Variants in RABGAP1L observed in about 807,000 individuals in gnomAD.
RABGAP1L encodes the protein RAB GTPase activating protein 1 like.
Under a neutral mutation model 137.7 loss-of-function variants are expected in RABGAP1L, and 63 were observed. That is an observed-to-expected ratio of 0.46 (90% CI 0.37 to 0.56). RABGAP1L has a LOEUF of 0.56. RABGAP1L is among the 20% of genes least tolerant of loss of function. The pLI is 0.00. For missense variants in RABGAP1L, 1,095 were observed against 1,244.0 expected (o/e 0.88, Z 1.80); for synonymous variants, 431 against 433.7 (o/e 0.99, Z 0.08).
At chr1:174,583,843 T>C (rs1668920622) in intron 13 of RABGAP1L, among the ~76,000 whole-genome samples, 1 of 152,220 alleles carries the variant, frequency 6.6e-6, no homozygotes, top group African/African-American at 2.4e-5. Context: ...CTATGATTGG[T>C]ATAGATAATA....
chr1:174,355,266 T>G (rs1420001117), intron 11 of RABGAP1L, among the ~76,000 whole-genome samples: 1 of 151,970 alleles, frequency 6.6e-6, no homozygotes, highest in African/African-American at 2.4e-5. Context: ...ATATACACCA[T>G]GGAATACTAT....
chr1:174,796,152 G>A (rs1483269664), intron 18 of RABGAP1L, among the ~76,000 whole-genome samples: 1 of 152,002 alleles, frequency 6.6e-6, no homozygotes, highest in African/African-American at 2.4e-5. Flanking sequence ...CCATTTTATG[G>A]ACTACTTTAT....
chr1:174,468,721 C>G (rs559754626), intron 13 of RABGAP1L, among the ~76,000 whole-genome samples: 1 of 152,184 alleles, frequency 6.6e-6, no homozygotes, highest in South Asian at 2.1e-4. Flanking sequence ...CTCTTTCTCT[C>G]TCTCTCTCTC....
rs866062443 is a variant in RABGAP1L at position 174,519,813 on chromosome 1, T to C, written c.1711-117562T>C. 2.0e-5 allele frequency among the ~76,000 whole-genome samples: 3 copies of C among 152,334 alleles called. No homozygotes were observed. The Middle Eastern group carries it at 0.01, about 518-fold the overall frequency. On this transcript the variant is annotated intron_variant, in intron 13 of 25. Coordinates refer to ENST00000681986, the MANE Select transcript of RABGAP1L (RefSeq NM_001366446.1). ...TAATTATCAGTGATGTAAAAATCAC[T>C]GGCCTTTAACAACAGTTTGATTTCA...
At chr1:174,282,737 A>G (rs1398310367) in intron 10 of RABGAP1L, among the ~76,000 whole-genome samples, 3 of 152,144 alleles carry the variant, frequency 2.0e-5, no homozygotes, top group Non-Finnish European at 2.9e-5. Context: ...TAAAGACTTT[A>G]TAGTTTCAGG....
At chr1:174,442,902 C>T (rs1040358746) in intron 13 of RABGAP1L, among the ~76,000 whole-genome samples, 15 of 152,188 alleles carry the variant, frequency 9.9e-5, no homozygotes, top group African/African-American at 3.4e-4. Context: ...CTGGCAACTG[C>T]CATTTTACTC....
intron 14 of RABGAP1L, among the ~76,000 whole-genome samples, chr1:174,654,890 GT>G (rs1675849205): frequency 6.6e-6 from 1 of 152,042 alleles, no homozygotes; most frequent in Non-Finnish European, 1.5e-5. Context: ...TAGAGCTTAT[GT>G]TGATACTCTC....
chr1:174,396,727 T>C (rs1432107670), intron 13 of RABGAP1L, among the ~76,000 whole-genome samples: 1 of 152,142 alleles, frequency 6.6e-6, no homozygotes, highest in African/African-American at 2.4e-5. Flanking sequence ...TACCATCCCC[T>C]GATATTATTT....
intron 10 of RABGAP1L, among the ~76,000 whole-genome samples, chr1:174,301,213 G>A (rs1157477188): frequency 6.6e-6 from 1 of 151,876 alleles, no homozygotes; most frequent in Admixed American, 6.5e-5. Context: ...GCTGGACTAG[G>A]CATGTCTCAA....
chr1:174,271,066 TAGG>T (rs965578030), intron 7 of RABGAP1L, among the ~76,000 whole-genome samples: 4 of 152,144 alleles, frequency 2.6e-5, no homozygotes, highest in East Asian at 1.9e-4. Context: ...CAAGAATTCA[TAGG>T]AGAGAGATCA....
chr1:174,453,894 CTA>C (rs1655727878), intron 13 of RABGAP1L, among the ~76,000 whole-genome samples: 1 of 151,912 alleles, frequency 6.6e-6, no homozygotes, highest in Admixed American at 6.6e-5. Flanking sequence ...TTCTTCATGA[CTA>C]TTTTGTTTTA....
At chr1:174,677,151 A>C (rs111967221) in intron 14 of RABGAP1L, among the ~76,000 whole-genome samples, 1 of 145,262 alleles carries the variant, frequency 6.9e-6, no homozygotes, top group African/African-American at 2.6e-5. Context: ...GTGAGACCCC[A>C]TCTCTACCAA....
At chr1:174,502,569 G>T in intron 13 of RABGAP1L, among the ~76,000 whole-genome samples, 1 of 95,208 alleles carries the variant, frequency 1.1e-5, no homozygotes, top group African/African-American at 4.7e-5. Context: ...GCAGAAGAAA[G>T]TACACGGTAT....
chr1:174,888,534 C>T lies in RABGAP1L; in HGVS notation c.2341-68923C>T, dbSNP rs548186499. ...GAATCTCTCATTAACCTATAACTTC[C>T]CTATGTCAGCTTTTTTTATTTTGGA... On this transcript the variant is annotated intron_variant, in intron 19 of 25. Coordinates refer to ENST00000681986, the MANE Select transcript of RABGAP1L (RefSeq NM_001366446.1). Among the ~76,000 whole-genome samples, 17 of 152,158 alleles carry T rather than the reference C, an allele frequency of 1.1e-4. No individual in the cohort carries two copies. The South Asian group carries it at 1.5e-3, about 13-fold the overall frequency.
intron 19 of RABGAP1L, among the ~76,000 whole-genome samples, chr1:174,919,658 A>G (rs1661481262): frequency 6.6e-6 from 1 of 152,196 alleles, no homozygotes; most frequent in Non-Finnish European, 1.5e-5. Flanking sequence ...ATTCAAGACC[A>G]GCCTGAGAAA....
intron 17 of RABGAP1L, among the ~76,000 whole-genome samples, chr1:174,733,463 A>G (rs1479841611): frequency 6.6e-6 from 1 of 152,146 alleles, no homozygotes; most frequent in East Asian, 1.9e-4. Flanking sequence ...ACCAATTTGT[A>G]TTTATTTCTC....
chr1:174,193,940 A>G (rs1046151874), intron 1 of RABGAP1L, among the ~76,000 whole-genome samples: 2 of 152,212 alleles, frequency 1.3e-5, no homozygotes, highest in Non-Finnish European at 2.9e-5. Flanking sequence ...AACTCATTTT[A>G]TGTTAACAAC....
chr1:174,913,563 A>T (rs1470308330), intron 19 of RABGAP1L, among the ~76,000 whole-genome samples: 5 of 152,170 alleles, frequency 3.3e-5, no homozygotes, highest in Admixed American at 3.3e-4. Context: ...CCAAGGCTTG[A>T]CCCTGTAACT....
chr1:174,354,107 C>A (rs1452085642), intron 11 of RABGAP1L, among the ~76,000 whole-genome samples: 1 of 152,120 alleles, frequency 6.6e-6, no homozygotes, highest in Non-Finnish European at 1.5e-5. Flanking sequence ...TGGTTGAAGA[C>A]AGTGATCTGC....
Sources: allele counts gnomAD v4.1 joint callset (sites outside exome capture counted in the v4.1 genomes callset), GRCh38; gene constraint gnomAD v4.1.1; transcripts MANE v1.5; gene names NCBI Gene and HGNC (gene_info 2026-07-23, HGNC 2026-07-21).